MICU1: variants seen among roughly 807,000 people sequenced by gnomAD.
MICU1 encodes calcium uptake protein 1, mitochondrial.
Under a neutral mutation model 56.8 loss-of-function variants are expected in MICU1, and 45 were observed. The observed-to-expected ratio is 0.79, with a 90% CI of 0.62 to 1.02. The LOEUF is 1.02. Ranked by LOEUF, MICU1 falls within the 50% of genes least tolerant of loss-of-function variation. MICU1 has a pLI of 0.00. For synonymous variants in MICU1, 186 were observed against 195.1 expected, an observed-to-expected ratio of 0.95 and a Z score of 0.39; for missense variants, 504 against 587.1, an observed-to-expected ratio of 0.86 and a Z score of 1.46.
intron 8 of MICU1, among the ~76,000 whole-genome samples, chr10:72,424,185 T>C (rs954856584): frequency 2.6e-5 from 4 of 151,876 alleles, no homozygotes; most frequent in African/African-American, 9.7e-5. Context: ...CGATCTTGGT[T>C]TACTGCAACC....
chr10:72,607,795 C>T (rs1177654203), intron 1 of MICU1, among the ~76,000 whole-genome samples: 1 of 152,120 alleles, frequency 6.6e-6, no homozygotes, highest in Non-Finnish European at 1.5e-5. Flanking sequence ...TGGGAGCCTA[C>T]TGCATGTGAT....
At chr10:72,620,084 G>A (rs1227543986) in intron 1 of MICU1, among the ~76,000 whole-genome samples, 2 of 152,046 alleles carry the variant, frequency 1.3e-5, no homozygotes, top group Non-Finnish European at 2.9e-5. Flanking sequence ...CATACTCAAA[G>A]AACAAACTTT....
chr10:72,483,953 G>C (rs997857293), intron 6 of MICU1: 1 of 152,180 alleles, frequency 6.6e-6, no homozygotes, highest in Non-Finnish European at 1.5e-5. Context: ...CTTTCTTCTG[G>C]TTGTGCTAGA....
At chr10:72,603,256 G>C (rs1002450792) in intron 1 of MICU1, among the ~76,000 whole-genome samples, 1 of 151,060 alleles carries the variant, frequency 6.6e-6, no homozygotes, top group African/African-American at 2.4e-5. Context: ...GCATGGTGTT[G>C]CACACCTGTA....
intron 3 of MICU1, among the ~76,000 whole-genome samples, chr10:72,557,049 G>A (rs150543781): frequency 0.027 from 4,152 of 151,982 alleles, 186 homozygotes; most frequent in African/African-American, 0.096. Flanking sequence ...CTGGGTGACA[G>A]AGCAAGACTT....
At chr10:72,612,535 G>C (rs968110295) in intron 1 of MICU1, among the ~76,000 whole-genome samples, 47 of 152,126 alleles carry the variant, frequency 3.1e-4, no homozygotes, top group Non-Finnish European at 5.9e-5. Flanking sequence ...AGTGGCTCCT[G>C]CCTATAATCC....
Position 72,444,442 on chromosome 10 carries a change from G to GT in MICU1, c.934-21072_934-21071insA, listed in dbSNP as rs1312041300. The stretch of plus-strand genomic sequence containing the variant: ...TATATACTTCTATGTGAGAGTCTTT[G>GT]CCTTTTTTTTTTTTTTTTTTTTTTT... On this transcript the variant is annotated intron_variant, in intron 8 of 11. Transcript: ENST00000361114. 8.0e-4 allele frequency among the ~76,000 whole-genome samples: 112 copies of GT among 140,478 alleles called. 2 individuals carry two copies. Among genetic ancestry groups the GT allele is most frequent in the African/African-American group, 3.0e-3 (110 of 36,184 alleles). 92.2% of individuals were successfully genotyped at this position (140,478 alleles called of 152,430 possible). A position where few individuals can be genotyped will look rare whatever the true frequency, so the allele number is the denominator to read the frequency against.
At chr10:72,505,084 C>T (rs1054114353) in intron 6 of MICU1, among the ~76,000 whole-genome samples, 1 of 151,858 alleles carries the variant, frequency 6.6e-6, no homozygotes, top group Non-Finnish European at 1.5e-5. Context: ...AGTGATTCTC[C>T]TGCCTTAGCC....
intron 8 of MICU1, among the ~76,000 whole-genome samples, chr10:72,466,239 A>T (rs1865791388): frequency 6.6e-6 from 1 of 152,260 alleles, no homozygotes. Flanking sequence ...CTATATGCTG[A>T]CAAAGAGGTC....
chr10:72,621,826 T>C (rs1271527499), intron 1 of MICU1, among the ~76,000 whole-genome samples: 2 of 152,180 alleles, frequency 1.3e-5, no homozygotes, highest in African/African-American at 2.4e-5. Context: ...CTTTAAGTGA[T>C]TATAATAGGC....
chr10:72,520,864 A>ATCAAAACT (rs770461283), intron 5 of MICU1, among the ~76,000 whole-genome samples: 4 of 152,162 alleles, frequency 2.6e-5, no homozygotes, highest in East Asian at 3.8e-4. Context: ...ACGAGGTATT[A>ATCAAAACT]TCAAAACTCT....
intron 5 of MICU1, chr10:72,523,828 T>C (rs756625203): frequency 2.6e-6 from 4 of 1,528,832 alleles, no homozygotes; most frequent in South Asian, 2.4e-5. Context: ...GAAGATCTCC[T>C]TGGCCCGTCT....
chr10:72,587,101 T>C lies in MICU1; in HGVS notation c.-1-20307A>G, dbSNP rs557065679. 4.6e-5 allele frequency among the ~76,000 whole-genome samples: 7 copies of C among 152,010 alleles called. No homozygotes were observed. In the East Asian group the frequency reaches 1.4e-3, roughly 29 times the overall value. Reference sequence around the variant, plus strand: ...GTGAGCAAAGGCAGACTGAGAAAAATGTCATGAAGAATAAAGAAGAGAACT... The same window carrying C: ...GTGAGCAAAGGCAGACTGAGAAAAACGTCATGAAGAATAAAGAAGAGAACT... On this transcript the variant is annotated intron_variant, in intron 1 of 11. Coordinates refer to ENST00000361114, the MANE Select transcript of MICU1 (RefSeq NM_001195518.2).
intron 8 of MICU1, among the ~76,000 whole-genome samples, chr10:72,460,821 A>G (rs1336102117): frequency 6.6e-6 from 1 of 152,100 alleles, no homozygotes; most frequent in African/African-American, 2.4e-5. Context: ...TAGTTAACTG[A>G]GGCTAAGTTA....
intron 8 of MICU1, among the ~76,000 whole-genome samples, chr10:72,432,087 CTTT>C (rs35109632): frequency 2.2e-4 from 27 of 120,472 alleles, no homozygotes; most frequent in Non-Finnish European, 3.6e-4. Context: ...AATGTATTGC[CTTT>C]TTTTTTTTTT....
chr10:72,513,507 T>C (rs1241371131), intron 5 of MICU1, among the ~76,000 whole-genome samples: 1 of 152,212 alleles, frequency 6.6e-6, no homozygotes, highest in East Asian at 1.9e-4. Context: ...ATTCTGTGTG[T>C]TGCCCCTTCA....
At chr10:72,451,647 A>T (rs1297257997) in intron 8 of MICU1, among the ~76,000 whole-genome samples, 2 of 151,504 alleles carry the variant, frequency 1.3e-5, no homozygotes, top group Non-Finnish European at 2.9e-5. Context: ...GGCTCAAGGG[A>T]TCCTCTCACC....
At chr10:72,588,443 T>TA (rs1221957520) in intron 1 of MICU1, among the ~76,000 whole-genome samples, 6 of 152,170 alleles carry the variant, frequency 3.9e-5, no homozygotes, top group Non-Finnish European at 5.9e-5. Context: ...ACTTTAGCTC[T>TA]AAAGCCAGTA....
chr10:72,516,438 A>G (rs189612049), intron 5 of MICU1, among the ~76,000 whole-genome samples: 40 of 152,198 alleles, frequency 2.6e-4, no homozygotes, highest in African/African-American at 9.2e-4. Flanking sequence ...CTTTAGTTTA[A>G]TTGGATCCTA....
Sources: allele counts gnomAD v4.1 joint callset (sites outside exome capture counted in the v4.1 genomes callset), GRCh38; gene constraint gnomAD v4.1.1; transcripts MANE v1.5; gene names NCBI Gene and HGNC (gene_info 2026-07-23, HGNC 2026-07-21).